RGS3: variants seen among roughly 807,000 people sequenced by gnomAD.
RGS3 encodes the protein regulator of G protein signaling 3.
A neutral mutation model predicts 132.6 loss-of-function variants in RGS3; 80 were observed. The observed-to-expected ratio is 0.60, with a 90% CI of 0.50 to 0.73. The LOEUF (loss-of-function observed/expected upper bound fraction) is 0.73, where lower values mean the gene tolerates loss of function less well. Among genes scored for constraint, RGS3 ranks in the 30% least tolerant of loss-of-function variants. RGS3 has a pLI of 0.00. For missense variants in RGS3, 1,382 were observed against 1,530.8 expected, an observed-to-expected ratio of 0.90 and a Z score of 1.62; for synonymous variants, 598 against 620.6, an observed-to-expected ratio of 0.96 and a Z score of 0.54.
chr9:113,483,121 T>A lies in RGS3; in HGVS notation c.525+4T>A. 6.2e-7 allele frequency: 1 copy of A among 1,600,548 alleles called. No individual in the cohort carries two copies. Among genetic ancestry groups the A allele is most frequent in the South Asian group, 1.1e-5 (1 of 90,658 alleles). ...CACCTGTGATCCGTATGTGAAGGTA[T>A]GTGGTGGGGCCGGAGATGGAGAGTG... On this transcript the variant is annotated splice_donor_region_variant and intron_variant, in intron 5 of 24. Coordinates refer to ENST00000350696, the Ensembl canonical transcript of RGS3.
intron 18 of RGS3, among the ~76,000 whole-genome samples, chr9:113,534,999 ATTTC>A (rs766229044): frequency 2.0e-5 from 3 of 151,970 alleles, no homozygotes; most frequent in Non-Finnish European, 4.4e-5. Flanking sequence ...GCTGTATATT[ATTTC>A]TTTAATTGTT....
chr9:113,568,992 C>G (rs189144403), intron 19 of RGS3, among the ~76,000 whole-genome samples: 10 of 152,328 alleles, frequency 6.6e-5, no homozygotes, highest in African/African-American at 1.9e-4. Context: ...TTCCTTCTGG[C>G]AGTGGGCCTA....
intron 3 of RGS3, among the ~76,000 whole-genome samples, chr9:113,477,700 G>A (rs1215131304): frequency 1.3e-5 from 2 of 152,294 alleles, no homozygotes; most frequent in East Asian, 1.9e-4. Flanking sequence ...GAAAGTTACC[G>A]AGAGGCCACT....
At position 113,501,985 on chromosome 9, in the gene RGS3, A is replaced by G. The variant is rs545561644; in HGVS notation, c.898-3457A>G. The stretch of plus-strand genomic sequence containing the variant: ...TTTTTGCTAACTTTTCCTGCTTCTG[A>G]CAGGACAGCAGTGCCCATTCTGCCC... On this transcript the variant is annotated intron_variant, in intron 10 of 24. Coordinates refer to ENST00000350696, the Ensembl canonical transcript of RGS3. Among the ~76,000 whole-genome samples, 29 of 152,322 alleles carry G rather than the reference A, an allele frequency of 1.9e-4. No individual in the cohort carries two copies. The South Asian group carries it at 5.8e-3, about 31-fold the overall frequency.
exon 15 of RGS3, chr9:113,514,488 A>G (rs1280318165): frequency 6.2e-7 from 1 of 1,614,186 alleles, no homozygotes; most frequent in African/African-American, 1.3e-5. Context: ...GGGAAGTCCT[A>G]CACAGGCCTG....
At chr9:113,461,674 G>T (rs778372223) in intron 1 of RGS3, 1 of 1,599,378 alleles carries the variant, frequency 6.3e-7, no homozygotes, top group Non-Finnish European at 8.5e-7. Context: ...GGGTGTAAGT[G>T]CCCAGTGTGG....
At chr9:113,516,456 C>G (rs1420754456) in intron 15 of RGS3, among the ~76,000 whole-genome samples, 1 of 151,966 alleles carries the variant, frequency 6.6e-6, no homozygotes, top group African/African-American at 2.4e-5. Context: ...CTCCCAGGTT[C>G]AAGCAATTCT....
intron 19 of RGS3, among the ~76,000 whole-genome samples, chr9:113,568,287 C>G (rs1361071689): frequency 6.6e-6 from 1 of 152,220 alleles, no homozygotes; most frequent in Non-Finnish European, 1.5e-5. Flanking sequence ...CCCTTTTGGA[C>G]CTTCGGGCTC....
chr9:113,595,379 G>T, intron 23 of RGS3: 4 of 576,868 alleles, frequency 6.9e-6, no homozygotes, highest in Non-Finnish European at 1.2e-5. Flanking sequence ...TTTCACAGAT[G>T]AAGACACTGA....
At chr9:113,583,577 T>G in exon 20 of RGS3, 1 of 1,614,092 alleles carries the variant, frequency 6.2e-7, no homozygotes. Context: ...GGACAAGACC[T>G]TCCACCCAAC....
chr9:113,462,042 A>G (rs1175672320), exon 3 of RGS3: 1 of 1,613,918 alleles, frequency 6.2e-7, no homozygotes, highest in Non-Finnish European at 8.5e-7. Flanking sequence ...CTCTGTGCTC[A>G]GTGTCCTCTC....
intron 19 of RGS3, among the ~76,000 whole-genome samples, chr9:113,568,085 A>G (rs966457307): frequency 7.9e-5 from 12 of 152,186 alleles, no homozygotes; most frequent in Non-Finnish European, 1.5e-4. Flanking sequence ...GCACCAAACT[A>G]TAGATAGATA....
At position 113,463,428 on chromosome 9, in the gene RGS3, C is replaced by A. The variant is rs1829521938; in HGVS notation, c.415+1227C>A. 6.6e-6 allele frequency among the ~76,000 whole-genome samples: 1 copy of A among 152,118 alleles called. No individual in the cohort carries two copies. The highest frequency in any genetic ancestry group is 2.1e-4 in the South Asian group (1 of 4,832). ...AGGAGAGCTGGACGAGGAGGCCAAG[C>A]CTGCCCAGAGTGGGCACCCCGGACT... is the stretch of plus-strand genomic sequence containing the variant. On this transcript the variant is annotated intron_variant, in intron 3 of 24. Coordinates refer to ENST00000350696, the Ensembl canonical transcript of RGS3. The surrounding 1 kb of genome is among the most constrained non-coding windows in gnomAD (Gnocchi z 4.6).
chr9:113,514,615 C>T (rs1316409403), exon 15 of RGS3: 10 of 1,613,840 alleles, frequency 6.2e-6, no homozygotes, highest in South Asian at 1.1e-5. Flanking sequence ...CCTACGTCAC[C>T]CTGGCCCCCA....
chr9:113,594,467 C>G (rs376894916), exon 22 of RGS3: 1 of 1,613,752 alleles, frequency 6.2e-7, no homozygotes. Flanking sequence ...GATCTTCAGA[C>G]GGCGGAATGA....
intron 19 of RGS3, among the ~76,000 whole-genome samples, chr9:113,542,856 C>A (rs1379861705): frequency 5.9e-5 from 9 of 152,228 alleles, no homozygotes; most frequent in Non-Finnish European, 1.5e-5. Context: ...GCCCTGGAAA[C>A]TGACTTCGCA....
At position 113,506,219 on chromosome 9, in the gene RGS3, T is replaced by C. The variant is rs567906286; in HGVS notation, c.980-169T>C. On this transcript the variant is annotated intron_variant, in intron 11 of 24. Transcript: ENST00000350696. This position sits in a 1 kb window ranked among gnomAD's most constrained non-coding sequence, Gnocchi z 4.7. ...AGGGAAGGCAAAGGGATGCCTTCTT[T>C]CAAGGCTCTTGAGAGGCACCAAGTT... is the stretch of plus-strand genomic sequence containing the variant. Among the ~76,000 whole-genome samples, 20 of 152,088 alleles carry C rather than the reference T, an allele frequency of 1.3e-4. No individual in the cohort carries two copies. The highest frequency in any genetic ancestry group is 4.8e-4 in the African/African-American group (20 of 41,476).
upstream of RGS3, among the ~76,000 whole-genome samples, chr9:113,455,679 A>G (rs1025083632): frequency 6.6e-6 from 1 of 152,172 alleles, no homozygotes; most frequent in Non-Finnish European, 1.5e-5. Context: ...TCTGGGGCAC[A>G]TTAAAGTTCC....
At chr9:113,461,202 G>A (rs1360794840) in intron 1 of RGS3, among the ~76,000 whole-genome samples, 1 of 152,120 alleles carries the variant, frequency 6.6e-6, no homozygotes, top group African/African-American at 2.4e-5. Flanking sequence ...TGTGTGGTAT[G>A]ATAATGTATG....
Sources: gnomAD v4.1 joint callset for allele counts (sites outside exome capture counted in the v4.1 genomes callset) on GRCh38, gnomAD v4.1.1 for gene constraint, Gnocchi (gnomAD v3.1) non-coding constraint, MANE v1.5 for transcripts, NCBI Gene and HGNC (gene_info 2026-07-23, HGNC 2026-07-21) for gene names.